TSPAN5: variants seen among roughly 807,000 people sequenced by gnomAD.
TSPAN5 encodes the protein tetraspanin-5.
Under a neutral mutation model 37.1 loss-of-function variants are expected in TSPAN5, and 10 were observed. The observed-to-expected ratio is 0.27, with a 90% CI of 0.17 to 0.46. The LOEUF (loss-of-function observed/expected upper bound fraction) is 0.46, where lower values mean the gene tolerates loss of function less well. TSPAN5 is among the 20% of genes least tolerant of loss of function. The pLI is 1.00. For synonymous variants in TSPAN5, 110 were observed against 118.9 expected, an observed-to-expected ratio of 0.93 and a Z score of 0.48; for missense variants, 195 against 326.6, an observed-to-expected ratio of 0.60 and a Z score of 3.11.
intron 1 of TSPAN5, among the ~76,000 whole-genome samples, chr4:98,625,193 T>G (rs948580645): frequency 6.6e-6 from 1 of 151,896 alleles, no homozygotes; most frequent in African/African-American, 2.4e-5. Flanking sequence ...CATGTGGGAG[T>G]TTTTTATACC....
At chr4:98,548,889 GTGTGTGTGTGTGT>G (rs1754534801) in intron 1 of TSPAN5, among the ~76,000 whole-genome samples, 4 of 146,856 alleles carry the variant, frequency 2.7e-5, no homozygotes, top group South Asian at 2.1e-4. Flanking sequence ...ATTCCAAGGT[GTGTGTGTGTGTGT>G]GTGTGTGTGT....
chr4:98,526,465 C>T (rs1276497517), intron 1 of TSPAN5, among the ~76,000 whole-genome samples: 2 of 152,162 alleles, frequency 1.3e-5, no homozygotes, highest in African/African-American at 4.8e-5. Flanking sequence ...CTAACAAATA[C>T]CTCTGAGGGC....
intron 2 of TSPAN5, among the ~76,000 whole-genome samples, chr4:98,494,154 T>C (rs1340423560): frequency 6.6e-6 from 1 of 152,118 alleles, no homozygotes; most frequent in Non-Finnish European, 1.5e-5. Context: ...GCACCCATCG[T>C]GGTACAAGGG....
chr4:98,638,976 G>A (rs910671759), intron 1 of TSPAN5, among the ~76,000 whole-genome samples: 1 of 152,194 alleles, frequency 6.6e-6, no homozygotes, highest in African/African-American at 2.4e-5. Context: ...CAGTAAGTGA[G>A]AGTAGGTCAG....
intron 1 of TSPAN5, among the ~76,000 whole-genome samples, chr4:98,529,138 C>T (rs1283033178): frequency 6.6e-6 from 1 of 152,184 alleles, no homozygotes; most frequent in Non-Finnish European, 1.5e-5. Flanking sequence ...CCCCATCCAC[C>T]CACTGAAAAC....
intron 1 of TSPAN5, among the ~76,000 whole-genome samples, chr4:98,565,216 C>T (rs955957044): frequency 1.3e-5 from 2 of 152,050 alleles, no homozygotes; most frequent in African/African-American, 4.8e-5. Context: ...TGGTGTTTTT[C>T]CCCCTTGTTC....
chr4:98,517,495 C>T (rs1753761365), intron 1 of TSPAN5, among the ~76,000 whole-genome samples: 1 of 151,940 alleles, frequency 6.6e-6, no homozygotes, highest in Non-Finnish European at 1.5e-5. Flanking sequence ...GATGAAAGGG[C>T]TCTTTGCCTT....
chr4:98,573,205 T>C (rs1252860265), intron 1 of TSPAN5, among the ~76,000 whole-genome samples: 1 of 152,208 alleles, frequency 6.6e-6, no homozygotes, highest in Non-Finnish European at 1.5e-5. Context: ...CAAGCAACAC[T>C]AACAATTGCT....
intron 1 of TSPAN5, among the ~76,000 whole-genome samples, chr4:98,652,186 G>A (rs1233185862): frequency 6.6e-6 from 1 of 152,080 alleles, no homozygotes; most frequent in Non-Finnish European, 1.5e-5. Flanking sequence ...CATCTACTGT[G>A]TTTCAGACAA....
chr4:98,644,664 C>A (rs1471054645), intron 1 of TSPAN5, among the ~76,000 whole-genome samples: 1 of 152,164 alleles, frequency 6.6e-6, no homozygotes, highest in African/African-American at 2.4e-5. Context: ...TAAATAGACT[C>A]ATTCCAAAGC....
chr4:98,598,870 T>A (rs1755819517), intron 1 of TSPAN5, among the ~76,000 whole-genome samples: 1 of 152,180 alleles, frequency 6.6e-6, no homozygotes, highest in Admixed American at 6.5e-5. Flanking sequence ...TTATTGAACA[T>A]AAAAGACTCA....
At chr4:98,479,401 G>A (rs1047226123) in intron 4 of TSPAN5, among the ~76,000 whole-genome samples, 1 of 152,286 alleles carries the variant, frequency 6.6e-6, no homozygotes, top group Non-Finnish European at 1.5e-5. Flanking sequence ...ACAATGCCAG[G>A]TTGGACTGCC....
intron 1 of TSPAN5, among the ~76,000 whole-genome samples, chr4:98,514,737 T>C (rs1753691329): frequency 6.6e-6 from 1 of 152,160 alleles, no homozygotes; most frequent in Non-Finnish European, 1.5e-5. Flanking sequence ...AGGGTCTTCA[T>C]TCATTTGGCA....
rs1754420632 is a variant in TSPAN5 at position 98,544,212 on chromosome 4, T to C, written c.82-36484A>G. The stretch of plus-strand genomic sequence containing the variant: ...ATGAATGAATGAATGAACAAACAAG[T>C]GCTTACCTTGTTCCTAATTTAATTA... On this transcript the variant is annotated intron_variant, in intron 1 of 7. Coordinates refer to ENST00000305798, the MANE Select transcript of TSPAN5 (RefSeq NM_005723.4). 2.6e-5 allele frequency among the ~76,000 whole-genome samples: 4 copies of C among 152,286 alleles called. No individual in the cohort carries two copies. In the East Asian group the frequency reaches 5.8e-4, roughly 22 times the overall value.
At chr4:98,554,390 C>T (rs1754691603) in intron 1 of TSPAN5, among the ~76,000 whole-genome samples, 1 of 152,146 alleles carries the variant, frequency 6.6e-6, no homozygotes, top group Non-Finnish European at 1.5e-5. Flanking sequence ...GTGTCTCATA[C>T]TTTGTTTGTT....
chr4:98,567,532 A>G (rs1755031831), intron 1 of TSPAN5, among the ~76,000 whole-genome samples: 1 of 152,234 alleles, frequency 6.6e-6, no homozygotes, highest in Non-Finnish European at 1.5e-5. Context: ...CCCAGGATCC[A>G]GCTATCATTA....
At chr4:98,587,216 C>T (rs1368073189) in intron 1 of TSPAN5, among the ~76,000 whole-genome samples, 1 of 152,216 alleles carries the variant, frequency 6.6e-6, no homozygotes, top group Non-Finnish European at 1.5e-5. Context: ...CTCTGGGGGA[C>T]ATGGGCAGAG....
intron 1 of TSPAN5, among the ~76,000 whole-genome samples, chr4:98,570,308 AG>A (rs1373113713): frequency 6.6e-6 from 1 of 152,336 alleles, no homozygotes; most frequent in East Asian, 1.9e-4. Flanking sequence ...AAAAAAATAA[AG>A]GTACATGCCA....
chr4:98,613,831 C>T (rs1756258220), intron 1 of TSPAN5, among the ~76,000 whole-genome samples: 2 of 152,088 alleles, frequency 1.3e-5, no homozygotes, highest in African/African-American at 2.4e-5. Flanking sequence ...GTCGCTGTTA[C>T]TACTAAATAC....
Sources: allele counts gnomAD v4.1 joint callset (sites outside exome capture counted in the v4.1 genomes callset), GRCh38; gene constraint gnomAD v4.1.1; transcripts MANE v1.5; gene names NCBI Gene and HGNC (gene_info 2026-07-23, HGNC 2026-07-21).